Variants in ADAM23 observed in about 807,000 individuals in gnomAD.
ADAM23 encodes ADAM metallopeptidase domain 23.
In ADAM23, 33 loss-of-function variants were observed where a neutral mutation model predicts 120.1. The observed-to-expected ratio is 0.27, with a 90% confidence interval of 0.21 to 0.37. ADAM23 has a LOEUF of 0.37. Ranked by LOEUF, ADAM23 falls within the 10% of genes least tolerant of loss-of-function variation. ADAM23 has a pLI of 1.00. For missense variants in ADAM23, 862 were observed against 1,058.2 expected, an observed-to-expected ratio of 0.81 and a Z score of 2.57; for synonymous variants, 367 against 375.2, an observed-to-expected ratio of 0.98 and a Z score of 0.25.
At chr2:206,593,879 T>G (rs16824781) in intron 22 of ADAM23, among the ~76,000 whole-genome samples, 9,466 of 151,784 alleles carry the variant, frequency 0.062, 524 homozygotes, top group East Asian at 0.18. Flanking sequence ...ATGAAACCAC[T>G]GTCATATATG....
chr2:206,500,758 C>A (rs753390188), intron 3 of ADAM23, among the ~76,000 whole-genome samples: 9 of 152,170 alleles, frequency 5.9e-5, no homozygotes, highest in Non-Finnish European at 1.3e-4. Flanking sequence ...CTGGGAGATA[C>A]TTTCCTGCCA....
At chr2:206,534,944 T>C (rs1004337711) in intron 4 of ADAM23, among the ~76,000 whole-genome samples, 2 of 151,712 alleles carry the variant, frequency 1.3e-5, no homozygotes, top group African/African-American at 4.8e-5. Context: ...TGCAGCCAGT[T>C]CCTCCCTCCC....
chr2:206,554,233 T>C (rs891775042), intron 9 of ADAM23, among the ~76,000 whole-genome samples: 1 of 152,180 alleles, frequency 6.6e-6, no homozygotes, highest in African/African-American at 2.4e-5. Flanking sequence ...TGGCTTTCCA[T>C]TAGAAAAGAA....
chr2:206,605,012 C>T (rs1280262477), intron 24 of ADAM23, among the ~76,000 whole-genome samples: 5 of 152,160 alleles, frequency 3.3e-5, no homozygotes, highest in African/African-American at 9.7e-5. Flanking sequence ...GCCTTTGTAG[C>T]GGGAACCTTG....
chr2:206,587,280 G>T (rs765189947), intron 18 of ADAM23, 45 bp from the exon 19 acceptor site: 6 of 1,432,812 alleles, frequency 4.2e-6, no homozygotes, highest in Non-Finnish European at 3.9e-6. Flanking sequence ...TTATCTGAAG[G>T]TACCTAGCAT....
chr2:206,596,291 A>G (rs939803809), intron 24 of ADAM23, 129 bp downstream of exon 24: 8 of 637,702 alleles, frequency 1.3e-5, no homozygotes, highest in African/African-American at 7.3e-5. Context: ...TTTAAAGTAT[A>G]TAATTTATGT....
chr2:206,500,435 C>T (rs2105893109), intron 3 of ADAM23, among the ~76,000 whole-genome samples: 1 of 152,242 alleles, frequency 6.6e-6, no homozygotes, highest in African/African-American at 2.4e-5. Context: ...AAAATCGGTG[C>T]TCAAAAGTAG....
chr2:206,549,554 A>G (rs534874877), intron 8 of ADAM23, among the ~76,000 whole-genome samples: 2 of 152,100 alleles, frequency 1.3e-5, no homozygotes, highest in African/African-American at 4.8e-5. Context: ...TTTTCCTTTG[A>G]GAAATTGAGC....
At chr2:206,467,966 C>A (rs889689509) in intron 2 of ADAM23, among the ~76,000 whole-genome samples, 10 of 152,194 alleles carry the variant, frequency 6.6e-5, no homozygotes, top group African/African-American at 2.4e-4. Context: ...GTACCTGGGC[C>A]TCTTTTAACC....
At position 206,464,506 on chromosome 2, in the gene ADAM23, C is replaced by T. The variant is rs761934576; in HGVS notation, c.433-16726C>T. On this transcript the variant is annotated intron_variant, in intron 2 of 25. Coordinates refer to ENST00000264377, the MANE Select transcript of ADAM23 (RefSeq NM_003812.4). Reference sequence around the variant, plus strand: ...AGGATAATCACTTGAACCCAGGAGGCGGAGGTTGCAGTGAGCCGAGAACGC... The same window carrying T: ...AGGATAATCACTTGAACCCAGGAGGTGGAGGTTGCAGTGAGCCGAGAACGC... Among the ~76,000 whole-genome samples, 6 of 151,710 alleles carry T rather than the reference C, an allele frequency of 4.0e-5. No individual in the cohort carries two copies. In the East Asian group the frequency reaches 5.8e-4, roughly 15 times the overall value.
intron 9 of ADAM23, among the ~76,000 whole-genome samples, chr2:206,552,655 T>G (rs1697555201): frequency 6.6e-6 from 1 of 151,822 alleles, no homozygotes; most frequent in African/African-American, 2.4e-5. Flanking sequence ...GTTGTTAGTA[T>G]TATTATTATT....
intron 3 of ADAM23, among the ~76,000 whole-genome samples, chr2:206,508,751 T>A (rs1480810339): frequency 6.6e-6 from 1 of 151,606 alleles, no homozygotes; most frequent in African/African-American, 2.4e-5. Context: ...AAGCTAAACA[T>A]AGCATGCATT....
At chr2:206,523,249 A>G (rs1485647169) in intron 3 of ADAM23, among the ~76,000 whole-genome samples, 3 of 152,186 alleles carry the variant, frequency 2.0e-5, no homozygotes, top group Non-Finnish European at 2.9e-5. Flanking sequence ...CTACACATTT[A>G]CATTTCCACT....
At chr2:206,466,910 G>A (rs1695552173) in intron 2 of ADAM23, among the ~76,000 whole-genome samples, 1 of 152,194 alleles carries the variant, frequency 6.6e-6, no homozygotes, top group Admixed American at 6.5e-5. Context: ...CAAAGTGGGA[G>A]CAAGGTGTCT....
At chr2:206,589,373 G>T (rs1698384519) in intron 20 of ADAM23, 36 bp from the exon 21 acceptor site, 2 of 1,570,580 alleles carry the variant, frequency 1.3e-6, no homozygotes, top group Middle Eastern at 1.7e-4. Flanking sequence ...CAAAGAAAAT[G>T]AAAATTAATT....
At chr2:206,615,659 C>T (rs1698921772) in intron 25 of ADAM23, among the ~76,000 whole-genome samples, 2 of 152,212 alleles carry the variant, frequency 1.3e-5, no homozygotes. Context: ...GTTCAGAGTC[C>T]ATTTTCATCC....
At chr2:206,596,647 A>G (rs1236028941) in intron 24 of ADAM23, among the ~76,000 whole-genome samples, 1 of 152,208 alleles carries the variant, frequency 6.6e-6, no homozygotes, top group African/African-American at 2.4e-5. Flanking sequence ...TCATTCTTCA[A>G]AGAAAATGTG....
intron 3 of ADAM23, among the ~76,000 whole-genome samples, chr2:206,528,538 C>T (rs1026832191): frequency 2.0e-5 from 3 of 152,176 alleles, no homozygotes; most frequent in African/African-American, 7.2e-5. Context: ...AGGACATACG[C>T]AGGACATACC....
intron 3 of ADAM23, among the ~76,000 whole-genome samples, chr2:206,513,518 G>A (rs1696669699): frequency 6.6e-6 from 1 of 152,198 alleles, no homozygotes; most frequent in Admixed American, 6.5e-5. Flanking sequence ...GCAGAATTTG[G>A]TTCATGAGAT....
Sources: allele counts gnomAD v4.1 joint callset (sites outside exome capture counted in the v4.1 genomes callset), GRCh38; gene constraint gnomAD v4.1.1; transcripts MANE v1.5; gene names NCBI Gene and HGNC (gene_info 2026-07-23, HGNC 2026-07-21).